The following LBHD1 variants were observed in gnomAD, a reference collection of about 807,000 sequenced individuals.
The protein encoded by LBHD1 is LBH domain-containing protein 1.
LBHD1 carries 28 observed loss-of-function variants against 31.1 expected under a neutral mutation model. The ratio of observed to expected loss-of-function variants is 0.90; its 90% CI spans 0.67 to 1.24. The LOEUF (loss-of-function observed/expected upper bound fraction) is 1.24. Among genes scored for constraint, LBHD1 ranks in the 50% most tolerant of loss-of-function variants. LBHD1 has a pLI of 0.00. For missense variants in LBHD1, 350 were observed against 323.0 expected (o/e 1.08, Z -0.64); for synonymous variants, 105 against 116.5 (o/e 0.90, Z 0.63).
chr11:62,663,154 C>T lies in LBHD1; in HGVS notation c.767G>A (p.Ser256Asn). 3 of 1,614,070 alleles carry T rather than the reference C, an allele frequency of 1.9e-6. No homozygotes were observed. The highest frequency in any genetic ancestry group is 2.5e-6 in the Non-Finnish European group (3 of 1,179,938). The change falls in exon 7 of 7, where the codon AGC (serine) becomes AAC (asparagine). Residue 256 changes from serine (S) to asparagine (N), a missense_variant. By Grantham distance (46) the Ser-to-Asn change is conservative (BLOSUM62 1). Transcript: ENST00000354588. ...CTAGTCCTGGCTGGCTTTGAAGGGG[C>T]TTCCACTGAGTAAAGGGAAGAAGGA... is the stretch of plus-strand genomic sequence containing the variant. Reference protein sequence around the residue: ...PEREDSHGSGSPFKASQD With the variant: ...PEREDSHGSGNPFKASQD
Position 62,671,618 on chromosome 11 carries a change from C to T in LBHD1, c.-65G>A. On this transcript the variant is annotated 5_prime_UTR_variant, in exon 1 of 7. Coordinates refer to ENST00000354588, the MANE Select transcript of LBHD1 (RefSeq NM_024099.5). ...GTTTCCTCGAGCAGGTCCTCTCTAG[C>T]CGGCCGCTTATCTATGGTTTCTGCT... is the stretch of plus-strand genomic sequence containing the variant. The T allele has an allele frequency of 6.6e-7, 1 of 1,504,414 alleles. No homozygotes were observed. Among genetic ancestry groups the T allele is most frequent in the Non-Finnish European group, 8.8e-7 (1 of 1,134,398 alleles). The allele number at this position is 1,504,414 out of a possible 1,614,324, so 93.2% of individuals were successfully genotyped here. A position where few individuals can be genotyped will look rare whatever the true frequency, so the allele number is the denominator to read the frequency against.
rs780990640 is a variant in LBHD1, at chr11:62,669,878, T to C, written c.150+4A>G. 9 of 1,614,222 alleles carry C rather than the reference T, an allele frequency of 5.6e-6. No homozygotes were observed. Among genetic ancestry groups the C allele is most frequent in the Non-Finnish European group, 6.8e-6 (8 of 1,180,042 alleles). ...TGCCAGACACAGGCTGAGGAAGTAC[T>C]AACCTGAATGTGCTGGTGACCTTCA... On this transcript the variant is annotated splice_donor_region_variant and intron_variant, in intron 2 of 6. Transcript: ENST00000354588.
At chr11:62,671,299 G>T (rs1263532311) in intron 1 of LBHD1, 3 of 661,276 alleles carry the variant, frequency 4.5e-6, no homozygotes, top group Non-Finnish European at 4.8e-6. Flanking sequence ...AGGGGATGGA[G>T]AGGGATGTGT....
intron 4 of LBHD1, chr11:62,666,014 T>C (rs1944798993): frequency 6.5e-7 from 1 of 1,527,780 alleles, no homozygotes; most frequent in East Asian, 2.3e-5. Context: ...GGTGGGTTCC[T>C]CGTGAGTCAG....
chr11:62,669,840 A>T, intron 2 of LBHD1, 37 bp from the exon 3 acceptor site: 1 of 1,614,146 alleles, frequency 6.2e-7, no homozygotes, highest in Non-Finnish European at 8.5e-7. Flanking sequence ...GCCAAACTGG[A>T]GGGTAAGCCA....
chr11:62,663,395 T>G, intron 5 of LBHD1, 62 bp from the exon 6 acceptor site: 1 of 1,513,638 alleles, frequency 6.6e-7, no homozygotes, highest in South Asian at 1.2e-5. Context: ...GTCACACAAA[T>G]AGTTCTGGCT....
At chr11:62,665,050 C>A in intron 4 of LBHD1, 77 bp from the exon 5 acceptor site, 1 of 1,584,850 alleles carries the variant, frequency 6.3e-7, no homozygotes, top group Non-Finnish European at 8.6e-7. Flanking sequence ...CAGCCCCGGC[C>A]CCTCACTGAT....
intron 4 of LBHD1, 140 bp downstream of exon 4, chr11:62,667,383 C>T (rs956836160): frequency 1.1e-4 from 95 of 847,400 alleles, no homozygotes; most frequent in South Asian, 5.1e-4. Flanking sequence ...AAAACCCCTG[C>T]GCTGACTGAC....
chr11:62,663,385 G>T, intron 5 of LBHD1, 52 bp from the exon 6 acceptor site: 1 of 1,559,816 alleles, frequency 6.4e-7, no homozygotes, highest in Non-Finnish European at 8.8e-7. Flanking sequence ...ACCAACTGAG[G>T]TCACACAAAT....
intron 5 of LBHD1, 43 bp from the exon 6 acceptor site, chr11:62,663,376 C>T: frequency 1.3e-6 from 2 of 1,579,684 alleles, no homozygotes; most frequent in Non-Finnish European, 1.7e-6. Context: ...TTAACCTGAA[C>T]CAACTGAGGT....
chr11:62,663,006 G>A lies in LBHD1; in HGVS notation c.*123C>T, dbSNP rs759563797. The stretch of plus-strand genomic sequence containing the variant: ...CAAAGTCCTCTGAAACAACCACTGA[G>A]TCTGAAGGCTGGCTCCAGTTGAGAA... On this transcript the variant is annotated 3_prime_UTR_variant, in exon 7 of 7. Coordinates refer to ENST00000354588, the MANE Select transcript of LBHD1 (RefSeq NM_024099.5). The A allele has an allele frequency of 2.8e-6, 4 of 1,442,014 alleles. No homozygotes were observed. The highest frequency in any genetic ancestry group is 3.8e-6 in the Non-Finnish European group (4 of 1,039,116). 89.3% of individuals were successfully genotyped at this position (1,442,014 alleles called of 1,614,324 possible).
At chr11:62,668,667 G>C (rs1944884010) in intron 3 of LBHD1, among the ~76,000 whole-genome samples, 1 of 151,318 alleles carries the variant, frequency 6.6e-6, no homozygotes, top group Non-Finnish European at 1.5e-5. Context: ...GCTGGGCGTG[G>C]TGGCGGGTGC....
At chr11:62,664,262 T>C (rs959411251) in intron 5 of LBHD1, among the ~76,000 whole-genome samples, 5 of 150,728 alleles carry the variant, frequency 3.3e-5, no homozygotes, top group East Asian at 1.9e-4. Flanking sequence ...AGTTTACTTA[T>C]AAAAATCTGT....
Position 62,662,961 on chromosome 11 carries a change from A to T in LBHD1, c.*168T>A. ...TAGGTAGGAGGAAATCTGGAGAGTGAAAAGGGGCCTTGCTTTTGTCAAAGT... is the reference window on the plus strand; with the variant it reads ...TAGGTAGGAGGAAATCTGGAGAGTGTAAAGGGGCCTTGCTTTTGTCAAAGT... On this transcript the variant is annotated 3_prime_UTR_variant, in exon 7 of 7. Transcript: ENST00000354588. 2.0e-6 allele frequency: 2 copies of T among 1,025,230 alleles called. No individual in the cohort carries two copies. Among genetic ancestry groups the T allele is most frequent in the South Asian group, 1.6e-5 (1 of 63,154 alleles). The allele number at this position is 1,025,230 out of a possible 1,614,324, so 63.5% of individuals were successfully genotyped here.
intron 4 of LBHD1, chr11:62,667,040 GGC>G: frequency 6.2e-7 from 1 of 1,600,072 alleles, no homozygotes; most frequent in Admixed American, 1.7e-5. Flanking sequence ...CTTGATTCAA[GGC>G]TCTCATTAAA....
intron 5 of LBHD1, 121 bp from the exon 6 acceptor site, chr11:62,663,454 C>T (rs1005510640): frequency 1.1e-4 from 118 of 1,028,488 alleles, no homozygotes; most frequent in Admixed American, 1.4e-4. Flanking sequence ...CGCCTGTAAT[C>T]CCAGCACTTT....
At position 62,671,697 on chromosome 11, in the gene LBHD1, G is replaced by C; in HGVS notation, c.-144C>G. 1 of 1,603,820 alleles carries C rather than the reference G, an allele frequency of 6.2e-7. No individual in the cohort carries two copies. Among genetic ancestry groups the C allele is most frequent in the Non-Finnish European group, 8.5e-7 (1 of 1,175,120 alleles). On this transcript the variant is annotated 5_prime_UTR_variant, in exon 1 of 7. Transcript: ENST00000354588. ...TAGTGAGACCGCGCGGCAACAGCTTGCGGCTGCGGGGAGCTCCCGTGGGCG... is the reference window on the plus strand; with the variant it reads ...TAGTGAGACCGCGCGGCAACAGCTTCCGGCTGCGGGGAGCTCCCGTGGGCG...
intron 1 of LBHD1, chr11:62,670,309 C>T (rs1213980764): frequency 2.2e-6 from 1 of 445,120 alleles, no homozygotes; most frequent in African/African-American, 2.0e-5. Flanking sequence ...TGATAACCAA[C>T]TTGGAATTTC....
intron 4 of LBHD1, chr11:62,665,361 G>A: frequency 4.4e-6 from 4 of 918,334 alleles, no homozygotes; most frequent in Non-Finnish European, 5.0e-6. Context: ...GTAGTAGCCA[G>A]ATTGGGCGGC....
Sources: allele counts gnomAD v4.1 joint callset (sites outside exome capture counted in the v4.1 genomes callset), GRCh38; gene constraint gnomAD v4.1.1; transcripts MANE v1.5; gene names NCBI Gene and HGNC (gene_info 2026-07-23, HGNC 2026-07-21).